Variants in TMEM245 observed in about 807,000 individuals in gnomAD.
TMEM245 encodes transmembrane protein 245, also known as protein CG-2.
A neutral mutation model predicts 101.2 loss-of-function variants in TMEM245; 69 were observed. The observed-to-expected ratio is 0.68, with a 90% CI of 0.56 to 0.83. The LOEUF is 0.83. Ranked by LOEUF, TMEM245 falls within the 40% of genes least tolerant of loss-of-function variation. TMEM245 has a pLI of 0.00. For missense variants in TMEM245, 1,075 were observed against 1,092.8 expected (o/e 0.98, Z 0.23); for synonymous variants, 537 against 449.8 (o/e 1.19, Z -2.45).
At chr9:109,099,432 A>T (rs974834979) in intron 3 of TMEM245, among the ~76,000 whole-genome samples, 1 of 152,194 alleles carries the variant, frequency 6.6e-6, no homozygotes, top group African/African-American at 2.4e-5. Context: ...AGTCATTTAC[A>T]AACAATTACC....
chr9:109,021,664 T>C (rs1160691023), intron 17 of TMEM245, among the ~76,000 whole-genome samples: 4 of 152,022 alleles, frequency 2.6e-5, no homozygotes, highest in Admixed American at 2.6e-4. Context: ...ACAGGGAACA[T>C]GACACCACAT....
At chr9:109,024,080 T>C (rs967494389) in intron 17 of TMEM245, among the ~76,000 whole-genome samples, 2 of 152,144 alleles carry the variant, frequency 1.3e-5, no homozygotes, top group African/African-American at 4.8e-5. Context: ...AATATGTAAA[T>C]CATTTATGAT....
At chr9:109,104,923 A>C (rs944604645) in intron 3 of TMEM245, among the ~76,000 whole-genome samples, 1 of 152,246 alleles carries the variant, frequency 6.6e-6, no homozygotes, top group Non-Finnish European at 1.5e-5. Flanking sequence ...AAGGAAACTT[A>C]AGGGTAAGTA....
chr9:109,114,693 C>T (rs1830664627), intron 1 of TMEM245, among the ~76,000 whole-genome samples: 1 of 152,158 alleles, frequency 6.6e-6, no homozygotes, highest in African/African-American at 2.4e-5. Context: ...AATTCTCCAC[C>T]AAGTCTAAAT....
At chr9:109,081,342 A>T (rs1829661082) in intron 7 of TMEM245, among the ~76,000 whole-genome samples, 1 of 152,224 alleles carries the variant, frequency 6.6e-6, no homozygotes, top group South Asian at 2.1e-4. Flanking sequence ...GACTTTAGCA[A>T]AAGTATATAC....
At chr9:109,093,851 C>T (rs903394838) in intron 3 of TMEM245, among the ~76,000 whole-genome samples, 1 of 152,204 alleles carries the variant, frequency 6.6e-6, no homozygotes, top group African/African-American at 2.4e-5. Flanking sequence ...CACATGTAAA[C>T]TTGGAGTCCC....
intron 17 of TMEM245, among the ~76,000 whole-genome samples, chr9:109,025,803 T>C (rs1225106570): frequency 6.6e-6 from 1 of 152,154 alleles, no homozygotes; most frequent in Non-Finnish European, 1.5e-5. Context: ...ACAGAGGAAG[T>C]GAAAGGTTCT....
Position 109,114,076 on chromosome 9 carries a change from CCAAAACAAAA to C in TMEM245, c.579+5249_579+5258del, listed in dbSNP as rs142144175. On this transcript the variant is annotated intron_variant, in intron 1 of 17. Transcript: ENST00000374586. ...GGGCAACAAGAGCGTAAATCCATCC[CCAAAACAAAA>C]CAAAACAAAAACACCACAACTACAA... 2.0e-3 allele frequency among the ~76,000 whole-genome samples: 303 copies of C among 152,144 alleles called. 3 individuals are homozygous for C. Among genetic ancestry groups the C allele is most frequent in the African/African-American group, 6.6e-3 (275 of 41,500 alleles).
chr9:109,058,669 A>G (rs1358530264), intron 11 of TMEM245, among the ~76,000 whole-genome samples: 1 of 152,052 alleles, frequency 6.6e-6, no homozygotes, highest in South Asian at 2.1e-4. Context: ...CTGGAGTGCA[A>G]TGGTGCAGTC....
In TMEM245 at chr9:109,119,901, C is replaced by A. The variant is rs760252515; in HGVS notation, c.13G>T (p.Gly5Cys). The change falls in exon 1 of 18, where the codon GGC becomes TGC. Residue 5 changes from glycine (G) to cysteine (C), a missense_variant. By Grantham distance (159) the Gly-to-Cys change is radical. This residue lies in a region of TMEM245 where 808 missense variants were observed against 741.5 expected (regional missense o/e 1.09). Coordinates refer to ENST00000374586, the MANE Select transcript of TMEM245 (RefSeq NM_032012.4). ...AGGCTTGGCGCGTCCTTAGGGCCGC[C>A]GCCGTCGGCCATCGTTCCTCCGCCA... Reference protein sequence around the residue: MADGGGPKDAPSLRS... With the variant: MADGCGPKDAPSLRS... 1 of 1,270,856 alleles carries A rather than the reference C, an allele frequency of 7.9e-7. No homozygotes were observed. The highest frequency in any genetic ancestry group is 9.9e-7 in the Non-Finnish European group (1 of 1,013,438). 78.7% of individuals were successfully genotyped at this position (1,270,856 alleles called of 1,614,324 possible). A position where few individuals can be genotyped will look rare whatever the true frequency, so the allele number is the denominator to read the frequency against.
chr9:109,037,254 C>A (rs1013631760), intron 15 of TMEM245, among the ~76,000 whole-genome samples: 2 of 152,186 alleles, frequency 1.3e-5, no homozygotes, highest in African/African-American at 2.4e-5. Context: ...GGGATGTAAT[C>A]CCTCATGGAC....
chr9:109,084,445 G>A (rs72760347), intron 7 of TMEM245, among the ~76,000 whole-genome samples: 20,313 of 152,168 alleles, frequency 0.13, 1,593 homozygotes, highest in African/African-American at 0.19. Flanking sequence ...ATTCAGTTAT[G>A]AAGTAGTCTC....
At chr9:109,046,154 G>C in intron 14 of TMEM245, 1 of 509,340 alleles carries the variant, frequency 2.0e-6, no homozygotes. Context: ...TAATTCATCA[G>C]GACACCCACC....
intron 3 of TMEM245, among the ~76,000 whole-genome samples, chr9:109,106,192 T>G (rs1830415627): frequency 6.6e-4 from 1 of 1,516 alleles, no homozygotes; most frequent in African/African-American, 2.9e-3. Flanking sequence ...GCCACTGCAC[T>G]CCAGCCTGGA....
At chr9:109,090,339 G>T (rs1301925220) in intron 5 of TMEM245, among the ~76,000 whole-genome samples, 2 of 152,050 alleles carry the variant, frequency 1.3e-5, no homozygotes, top group African/African-American at 4.8e-5. Flanking sequence ...CAGAATCATG[G>T]ATGGCTAAAC....
At chr9:109,078,840 C>T (rs1588057045) in intron 8 of TMEM245, among the ~76,000 whole-genome samples, 1 of 152,202 alleles carries the variant, frequency 6.6e-6, no homozygotes, top group South Asian at 2.1e-4. Context: ...TTTTTTCTAC[C>T]TTTTTCTCTT....
intron 9 of TMEM245, among the ~76,000 whole-genome samples, chr9:109,067,176 C>G (rs561800759): frequency 2.6e-5 from 4 of 152,092 alleles, no homozygotes; most frequent in African/African-American, 4.8e-5. Flanking sequence ...AACACTTTCC[C>G]AATGTACTCA....
At position 109,017,770 on chromosome 9, in the gene TMEM245, T is replaced by TGA. The variant is rs1360359753; in HGVS notation, c.*2688_*2689dup. On this transcript the variant is annotated 3_prime_UTR_variant, in exon 18 of 18. Coordinates refer to ENST00000374586, the MANE Select transcript of TMEM245 (RefSeq NM_032012.4). ...GTAAAGGTAGGTTATCTTTGAGACT[T>TGA]GAGCTTAAAACTCCTACCTTTTCAT... The TGA allele has an allele frequency of 6.6e-6, 1 of 152,234 alleles. No individual in the cohort carries two copies. The highest frequency in any genetic ancestry group is 2.4e-5 in the African/African-American group (1 of 41,464). 9.4% of individuals were successfully genotyped at this position (152,234 alleles called of 1,614,324 possible).
At chr9:109,080,256 G>A (rs181171896) in intron 8 of TMEM245, among the ~76,000 whole-genome samples, 1 of 151,854 alleles carries the variant, frequency 6.6e-6, no homozygotes, top group African/African-American at 2.4e-5. Context: ...CCATAAAAGT[G>A]GGGGGGAAAT....
Sources: allele counts gnomAD v4.1 joint callset (sites outside exome capture counted in the v4.1 genomes callset), GRCh38; gene constraint gnomAD v4.1.1; regional missense constraint gnomAD v4.1.1; transcripts MANE v1.5; gene names NCBI Gene and HGNC (gene_info 2026-07-23, HGNC 2026-07-21).